Variants in NPC1 observed in about 807,000 individuals in gnomAD.
The protein encoded by NPC1 is NPC intracellular cholesterol transporter 1.
NPC1 carries 85 observed loss-of-function variants against 140.4 expected under a neutral mutation model. The observed-to-expected ratio is 0.61, with a 90% confidence interval of 0.51 to 0.72. NPC1 has a LOEUF of 0.72. Ranked by LOEUF, NPC1 falls within the 30% of genes least tolerant of loss-of-function variation. NPC1 has a pLI of 0.00. For missense variants in NPC1, 1,504 were observed against 1,623.8 expected (o/e 0.93, Z 1.27); for synonymous variants, 656 against 624.8 (o/e 1.05, Z -0.74).
Position 23,560,296 on chromosome 18 carries a change from C to T in NPC1, c.816G>A (p.Met272Ile). The part of the protein sequence containing the change: ...ILGLDAMYVI[M>I]WITYMAFLLV... ...GCAAAAACGCCATGTAGGTGATCCA[C>T]ATGATGACATACATGGCGTCCAAGC... Residue 272 changes from methionine to isoleucine, a missense_variant, in exon 6 of 25, where the codon ATG becomes ATA. By Grantham distance (10) the Met-to-Ile change is conservative (BLOSUM62 1). Transcript: ENST00000269228. The T allele has an allele frequency of 1.2e-6, 2 of 1,614,184 alleles. No individual in the cohort carries two copies. The highest frequency in any genetic ancestry group is 1.6e-4 in the Middle Eastern group (1 of 6,062).
downstream of NPC1, among the ~76,000 whole-genome samples, chr18:23,521,887 C>T (rs938727310): frequency 3.3e-5 from 5 of 152,278 alleles, no homozygotes; most frequent in Non-Finnish European, 5.9e-5. Context: ...CAGTCTCTCC[C>T]GGCTCTCTTT....
At chr18:23,553,612 C>T (rs2145441241) in intron 9 of NPC1, among the ~76,000 whole-genome samples, 1 of 152,292 alleles carries the variant, frequency 6.6e-6, no homozygotes. Flanking sequence ...TTCTCTGTTC[C>T]CATGCTGAAG....
downstream of NPC1, among the ~76,000 whole-genome samples, chr18:23,517,951 C>T (rs563496167): frequency 2.6e-5 from 4 of 152,238 alleles, no homozygotes; most frequent in Admixed American, 1.3e-4. Flanking sequence ...CTCCTGGGCT[C>T]GGGTGATCCT....
intron 14 of NPC1, 56 bp downstream of exon 14, chr18:23,543,399 C>T: frequency 2.0e-6 from 2 of 1,000,014 alleles, no homozygotes; most frequent in Non-Finnish European, 3.2e-6. Flanking sequence ...TAGCCAGCTC[C>T]TTCTTTCTCC....
chr18:23,541,561 C>T (rs1443966772), intron 14 of NPC1, 128 bp from the exon 15 acceptor site: 30 of 1,207,108 alleles, frequency 2.5e-5, no homozygotes, highest in African/African-American at 4.5e-5. Context: ...AGGCATGCTG[C>T]GGCTGGACAT....
intron 5 of NPC1, 117 bp from the exon 6 acceptor site, chr18:23,560,597 A>C: frequency 1.8e-6 from 2 of 1,094,144 alleles, no homozygotes; most frequent in Non-Finnish European, 1.3e-6. Flanking sequence ...AAAGAAGAAA[A>C]AGAATTGGAG....
intron 23 of NPC1, chr18:23,533,781 T>TA (rs1397333915): frequency 2.1e-6 from 1 of 472,256 alleles, no homozygotes; most frequent in East Asian, 4.2e-5. Context: ...GCTGGGGTTA[T>TA]AGGCATGAGC....
chr18:23,518,173 C>T (rs191749990), downstream of NPC1, among the ~76,000 whole-genome samples: 13 of 152,332 alleles, frequency 8.5e-5, 1 homozygote, highest in Admixed American at 7.2e-4. Flanking sequence ...GAACTGTTCA[C>T]AGCAACATTT....
intron 3 of NPC1, chr18:23,508,729 AC>A: frequency 6.6e-6 from 1 of 152,412 alleles, no homozygotes; most frequent in Non-Finnish European, 1.5e-5. Flanking sequence ...GTGTGAAGAG[AC>A]CCTCAGCCCG....
Position 23,535,777 on chromosome 18 carries a change from C to G in NPC1, c.3246-77G>C, listed in dbSNP as rs2058620980. 7.3e-6 allele frequency: 7 copies of G among 959,746 alleles called. No individual in the cohort carries two copies. The Admixed American group carries it at 1.3e-4, about 18-fold the overall frequency. 59.5% of individuals were successfully genotyped at this position (959,746 alleles called of 1,614,324 possible). ...TGCGTGTTCATCCTGTCACCACTGC[C>G]AAGTGGTCAGACTCCTTTGGGAAAC... is the stretch of plus-strand genomic sequence containing the variant. On this transcript the variant is annotated intron_variant, in intron 21 of 24. Transcript: ENST00000269228.
At chr18:23,544,259 C>T (rs986262425) in intron 13 of NPC1, 85 bp downstream of exon 13, 67 of 1,302,830 alleles carry the variant, frequency 5.1e-5, no homozygotes, top group Non-Finnish European at 1.3e-5. Context: ...TCACAGGTCA[C>T]ACTCACGAAT....
downstream of NPC1, chr18:23,520,222 C>G: frequency 6.2e-7 from 1 of 1,614,036 alleles, no homozygotes; most frequent in Non-Finnish European, 8.5e-7. Flanking sequence ...TATTCGATAT[C>G]AAGTTACGGG....
downstream of NPC1, among the ~76,000 whole-genome samples, chr18:23,520,654 T>C (rs927739496): frequency 6.6e-6 from 1 of 151,930 alleles, no homozygotes; most frequent in Non-Finnish European, 1.5e-5. Flanking sequence ...ATTTATTTTT[T>C]TGACAGAGCC....
intron 3 of NPC1, among the ~76,000 whole-genome samples, chr18:23,511,052 A>G (rs76277061): frequency 1.3e-5 from 2 of 152,258 alleles, no homozygotes; most frequent in African/African-American, 2.4e-5. Flanking sequence ...CACTGTTCAC[A>G]ATGGCAAAGA....
downstream of NPC1, chr18:23,530,644 C>T (rs1332737171): frequency 1.0e-5 from 16 of 1,597,790 alleles, no homozygotes; most frequent in Non-Finnish European, 1.4e-5. Flanking sequence ...TTGGGGTAAC[C>T]ATAGCCTCAA....
intron 6 of NPC1, among the ~76,000 whole-genome samples, chr18:23,558,713 A>G (rs2058991024): frequency 6.6e-6 from 1 of 151,288 alleles, no homozygotes; most frequent in African/African-American, 2.5e-5. Flanking sequence ...TCATTGTACT[A>G]TGAGTTTTTT....
intron 3 of NPC1, among the ~76,000 whole-genome samples, chr18:23,512,314 C>A (rs2057884040): frequency 4.6e-5 from 7 of 152,192 alleles, no homozygotes; most frequent in Non-Finnish European, 7.4e-5. Context: ...AGCCACCATG[C>A]CTGGCCGAAA....
At chr18:23,558,312 G>C (rs1170847494) in intron 6 of NPC1, among the ~76,000 whole-genome samples, 2 of 152,168 alleles carry the variant, frequency 1.3e-5, no homozygotes, top group Non-Finnish European at 2.9e-5. Context: ...ACATCACCTT[G>C]AGCAAGTGAT....
At chr18:23,520,797 T>C (rs1311064530), downstream of NPC1, among the ~76,000 whole-genome samples, 12 of 152,102 alleles carry the variant, frequency 7.9e-5, no homozygotes, top group Admixed American at 7.9e-4. Context: ...TAAATACTTG[T>C]GAGAGGAGAT....
Sources: allele counts gnomAD v4.1 joint callset (sites outside exome capture counted in the v4.1 genomes callset), GRCh38; gene constraint gnomAD v4.1.1; transcripts MANE v1.5; gene names NCBI Gene and HGNC (gene_info 2026-07-23, HGNC 2026-07-21).